The following CLNS1A variants were observed in gnomAD, a reference collection of about 807,000 sequenced individuals.
CLNS1A encodes methylosome subunit pICln.
In CLNS1A, 16 loss-of-function variants were observed where a neutral mutation model predicts 29.4. The observed-to-expected ratio is 0.54, with a 90% CI of 0.37 to 0.83. The LOEUF is 0.83. Among genes scored for constraint, CLNS1A ranks in the 40% least tolerant of loss-of-function variants. The probability of loss-of-function intolerance (pLI) is 0.00; values close to 1 mark genes in which losing one functional copy is unlikely to be tolerated. For synonymous variants in CLNS1A, 96 were observed against 104.8 expected, an observed-to-expected ratio of 0.92 and a Z score of 0.51; for missense variants, 235 against 287.4, an observed-to-expected ratio of 0.82 and a Z score of 1.32.
chr11:77,637,243 T>TAAAAAAAAAAAAAAAAAAAAAAA (rs747109219), intron 1 of CLNS1A, among the ~76,000 whole-genome samples: 10 of 43,172 alleles, frequency 2.3e-4, no homozygotes, highest in African/African-American at 7.1e-4. Flanking sequence ...ATAGGCGAGT[T>TAAAAAAAAAAAAAAAAAAAAAAA]AAAAAAAAAA....
rs753870233 is a variant in CLNS1A at position 77,622,499 on chromosome 11, C to T, written c.646+1G>A. The T allele has an allele frequency of 1.3e-6, 2 of 1,584,862 alleles. No homozygotes were observed. The highest frequency in any genetic ancestry group is 8.6e-7 in the Non-Finnish European group (1 of 1,168,948). ...TGTTCACACTGCAAAAGGACACTCA[C>T]CTTCATAATCTCTTATTGAATCTTC... On this transcript the variant is annotated splice_donor_variant, in intron 5 of 6. Coordinates refer to ENST00000525428, the MANE Select transcript of CLNS1A (RefSeq NM_001293.3). LOFTEE classifies it high-confidence loss of function.
chr11:77,627,105 A>C (rs73504730), intron 2 of CLNS1A, among the ~76,000 whole-genome samples: 1,699 of 151,900 alleles, frequency 0.011, 33 homozygotes, highest in African/African-American at 0.037. Flanking sequence ...AATATGATTC[A>C]AGCACATGTA....
At chr11:77,636,869 G>A (rs1039522468) in intron 1 of CLNS1A, among the ~76,000 whole-genome samples, 6 of 152,180 alleles carry the variant, frequency 3.9e-5, no homozygotes, top group African/African-American at 1.2e-4. Flanking sequence ...CAAGGAAACA[G>A]GGACCTCTGT....
At chr11:77,626,200 C>T (rs1204159419) in intron 2 of CLNS1A, among the ~76,000 whole-genome samples, 1 of 152,204 alleles carries the variant, frequency 6.6e-6, no homozygotes, top group African/African-American at 2.4e-5. Flanking sequence ...GATCCTCCCA[C>T]CTCAGCCTAC....
At chr11:77,623,381 G>A (rs1958982800) in intron 4 of CLNS1A, among the ~76,000 whole-genome samples, 1 of 152,098 alleles carries the variant, frequency 6.6e-6, no homozygotes, top group Non-Finnish European at 1.5e-5. Flanking sequence ...CTTGAGCCCA[G>A]GAGTTCAAGA....
rs750927698 is a variant in CLNS1A, at chr11:77,619,695, T to C, written c.647A>G (p.Asp216Gly). 2.0e-5 allele frequency: 33 copies of C among 1,611,948 alleles called. No homozygotes were observed. Among genetic ancestry groups the C allele is most frequent in the Non-Finnish European group, 2.5e-5 (29 of 1,178,256 alleles). Residue 216 changes from aspartate to glycine, a missense_variant and splice_region_variant, in exon 6 of 7, where the codon GAT (aspartate) becomes GGT (glycine). Physicochemically the swap from Asp to Gly is moderately conservative, Grantham distance 94. Transcript: ENST00000525428. ...TGGTGTGGTATCCACCTCCATCCCA[T>C]CTAAACAAAAAAATTAATTACTGAG... The part of the protein sequence containing the change: ...RTEDSIRDYE[D>G]GMEVDTTPTV...
chr11:77,617,618 C>T (rs1325926453), intron 6 of CLNS1A, among the ~76,000 whole-genome samples: 1 of 151,260 alleles, frequency 6.6e-6, no homozygotes, highest in African/African-American at 2.4e-5. Flanking sequence ...AAACATTATA[C>T]ATAATGTTTA....
chr11:77,637,166 G>T (rs1959135132), intron 1 of CLNS1A, among the ~76,000 whole-genome samples: 1 of 144,694 alleles, frequency 6.9e-6, no homozygotes, highest in Non-Finnish European at 1.5e-5. Flanking sequence ...CGGAAAGACA[G>T]GCACACTTCA....
At chr11:77,635,514 G>A (rs922028935) in intron 1 of CLNS1A, among the ~76,000 whole-genome samples, 1 of 151,912 alleles carries the variant, frequency 6.6e-6, no homozygotes, top group Non-Finnish European at 1.5e-5. Flanking sequence ...ACCACACCCG[G>A]ATAATTTTTG....
chr11:77,637,459 A>T (rs1439371264), intron 1 of CLNS1A, 131 bp downstream of exon 1: 3 of 1,177,634 alleles, frequency 2.5e-6, no homozygotes, highest in Non-Finnish European at 3.5e-6. Context: ...GGTATCCCTG[A>T]GGCGTCGGGC....
At chr11:77,631,752 T>C (rs1431942791) in intron 1 of CLNS1A, among the ~76,000 whole-genome samples, 1 of 152,058 alleles carries the variant, frequency 6.6e-6, no homozygotes, top group Non-Finnish European at 1.5e-5. Flanking sequence ...ATCTTTGTTT[T>C]TTTGAGATGA....
intron 4 of CLNS1A, 93 bp downstream of exon 4, chr11:77,624,870 A>T (rs1271610589): frequency 1.2e-5 from 9 of 746,144 alleles, no homozygotes; most frequent in Non-Finnish European, 1.8e-5. Flanking sequence ...CAGTCATATA[A>T]AGAACTATAA....
rs1329414612 is a variant in CLNS1A at position 77,629,804 on chromosome 11, A to C, written c.221T>G (p.Leu74Arg). ...CACCATAACATACAAATGCTCTCCT[A>C]GACAGTCACTTCGGTCCCTGGATAA... ...HALSRDRSDC[L>R]GEHLYVMVNA... The change falls in exon 2 of 7, where the codon CTA becomes CGA. Residue 74 changes from leucine (L) to arginine (R), a missense_variant. Leu to Arg is a moderately radical substitution (Grantham distance 102). Coordinates refer to ENST00000525428, the MANE Select transcript of CLNS1A (RefSeq NM_001293.3). 6.2e-7 allele frequency: 1 copy of C among 1,613,572 alleles called. No homozygotes were observed.
intron 1 of CLNS1A, among the ~76,000 whole-genome samples, chr11:77,633,484 G>GT (rs748487213): frequency 6.6e-6 from 1 of 152,192 alleles, no homozygotes; most frequent in South Asian, 2.1e-4. Context: ...CAAAGAAACC[G>GT]TGAGTCAAAA....
intron 1 of CLNS1A, among the ~76,000 whole-genome samples, chr11:77,631,337 T>C (rs1187364962): frequency 6.6e-6 from 1 of 151,992 alleles, no homozygotes; most frequent in Non-Finnish European, 1.5e-5. Context: ...TTTTTTTTTT[T>C]TTTAGACAGA....
At chr11:77,625,925 C>T (rs11237245) in intron 2 of CLNS1A, 107 bp from the exon 3 acceptor site, 1 of 972,536 alleles carries the variant, frequency 1.0e-6, no homozygotes. Context: ...TTATGGTTGA[C>T]AAATTTATTT....
chr11:77,620,791 G>C (rs1240568064), intron 5 of CLNS1A, among the ~76,000 whole-genome samples: 1 of 152,106 alleles, frequency 6.6e-6, no homozygotes, highest in Non-Finnish European at 1.5e-5. Flanking sequence ...AGACCAGCCT[G>C]GCCAACATGG....
chr11:77,637,504 C>T, intron 1 of CLNS1A, 86 bp downstream of exon 1: 4 of 1,474,086 alleles, frequency 2.7e-6, no homozygotes, highest in Non-Finnish European at 2.7e-6. Context: ...TCCAGGCCGC[C>T]CCTTGCCCGG....
At chr11:77,633,690 CA>C (rs956868022) in intron 1 of CLNS1A, among the ~76,000 whole-genome samples, 39 of 148,574 alleles carry the variant, frequency 2.6e-4, no homozygotes, top group Non-Finnish European at 5.1e-4. Flanking sequence ...GAATGAGATA[CA>C]AAAAAAAAAT....
Sources: gnomAD v4.1 joint callset for allele counts (sites outside exome capture counted in the v4.1 genomes callset) on GRCh38, gnomAD v4.1.1 for gene constraint, MANE v1.5 for transcripts, NCBI Gene and HGNC (gene_info 2026-07-23, HGNC 2026-07-21) for gene names.